Variants in NHERF4 observed in about 807,000 individuals in gnomAD.
NHERF4 encodes the protein NHERF family PDZ scaffold protein 4.
chr11:119,186,111 A>T, the NHERF4 span: 1 of 1,613,068 alleles, frequency 6.2e-7, no homozygotes, highest in East Asian at 2.2e-5. The surrounding 1 kb of genome is among the most constrained non-coding windows in gnomAD (Gnocchi z 4.4). Context: ...GTTTAACCCA[A>T]AGCTGGGCAT....
At chr11:119,187,646 G>A in the NHERF4 span, 2 of 1,556,836 alleles carry the variant, frequency 1.3e-6, no homozygotes, top group African/African-American at 1.4e-5. Flanking sequence ...CCCGGCTGCT[G>A]GAAGTGAATG....
At chr11:119,185,541 G>T in the NHERF4 span, 4 of 1,607,648 alleles carry the variant, frequency 2.5e-6, no homozygotes, top group Non-Finnish European at 2.6e-6. Flanking sequence ...CTCTGCAGGG[G>T]ACTTTGGGAC....
chr11:119,188,920 G>A, the NHERF4 span: 48 of 1,610,776 alleles, frequency 3.0e-5, no homozygotes, highest in African/African-American at 4.8e-4. Flanking sequence ...CTGCCTGATC[G>A]GTCTTCCTCT....
At chr11:119,189,168 G>C in the NHERF4 span, 2 of 1,612,708 alleles carry the variant, frequency 1.2e-6, no homozygotes, top group Non-Finnish European at 1.7e-6. The surrounding 1 kb of genome is among the most constrained non-coding windows in gnomAD (Gnocchi z 5.8). Flanking sequence ...AGGTCTCTGC[G>C]GGGCTTGGAA....
chr11:119,187,503 CA>C, the NHERF4 span: 3 of 1,613,062 alleles, frequency 1.9e-6, no homozygotes, highest in Non-Finnish European at 2.5e-6. Context: ...TGAGGGATCT[CA>C]GCCCCTGTTC....
At chr11:119,188,161 G>C in the NHERF4 span, 1 of 1,524,090 alleles carries the variant, frequency 6.6e-7, no homozygotes. Flanking sequence ...GGGAGCCCTG[G>C]GGGCGGTGGG....
the NHERF4 span, chr11:119,186,001 CG>C: frequency 6.2e-7 from 1 of 1,613,248 alleles, no homozygotes; most frequent in South Asian, 1.1e-5. The surrounding 1 kb of genome is among the most constrained non-coding windows in gnomAD (Gnocchi z 4.4). Context: ...TTGGAGGCAG[CG>C]AAGCGCTTCA....
At chr11:119,185,573 G>A in the NHERF4 span, 1 of 1,519,908 alleles carries the variant, frequency 6.6e-7, no homozygotes, top group Non-Finnish European at 9.1e-7. Context: ...CGACTTGGAG[G>A]CTGAAGCTTT....
chr11:119,187,518 G>A, the NHERF4 span: 1 of 1,613,044 alleles, frequency 6.2e-7, no homozygotes, highest in Non-Finnish European at 8.5e-7. Context: ...CCTGTTCAGG[G>A]CAGGCAGGAA....
chr11:119,189,610 A>G, the NHERF4 span: 28 of 1,202,928 alleles, frequency 2.3e-5, no homozygotes, highest in Non-Finnish European at 3.1e-5. The surrounding 1 kb of genome is among the most constrained non-coding windows in gnomAD (Gnocchi z 5.8). Flanking sequence ...GACACCACCG[A>G]TCACAGGCTG....
the NHERF4 span, chr11:119,189,936 C>T: frequency 1.2e-5 from 4 of 332,710 alleles, no homozygotes; most frequent in South Asian, 1.9e-4. This position sits in a 1 kb window ranked among gnomAD's most constrained non-coding sequence, Gnocchi z 5.8. Flanking sequence ...ATAGAAATGG[C>T]CATTCGCCAT....
chr11:119,189,666 G>C, the NHERF4 span: 679 of 715,220 alleles, frequency 9.5e-4, 4 homozygotes, highest in African/African-American at 0.01. The surrounding 1 kb of genome is among the most constrained non-coding windows in gnomAD (Gnocchi z 5.8). Context: ...GCCAGCAGAG[G>C]GTGTGGTTGG....
At chr11:119,189,530 C>T in the NHERF4 span, 42 of 1,607,740 alleles carry the variant, frequency 2.6e-5, no homozygotes, top group South Asian at 2.6e-4. The surrounding 1 kb of genome is among the most constrained non-coding windows in gnomAD (Gnocchi z 5.8). Context: ...CAGGGGCTAC[C>T]GTGTCTTCAC....
At chr11:119,187,806 C>A in the NHERF4 span, 1 of 1,457,578 alleles carries the variant, frequency 6.9e-7, no homozygotes, top group Admixed American at 2.8e-5. Context: ...TGGTCTCCTA[C>A]CTTTATCACC....
the NHERF4 span, chr11:119,187,313 CA>C: frequency 6.2e-7 from 1 of 1,612,162 alleles, no homozygotes; most frequent in South Asian, 1.1e-5. Context: ...GTGTTGCTGA[CA>C]GTATTGGCAC....
chr11:119,186,759 C>G, the NHERF4 span: 1 of 1,415,488 alleles, frequency 7.1e-7, no homozygotes, highest in East Asian at 2.4e-5. The surrounding 1 kb of genome is among the most constrained non-coding windows in gnomAD (Gnocchi z 4.4). Context: ...GTCCCCTGGG[C>G]AGTATGGCAG....
At chr11:119,188,211 A>T in the NHERF4 span, 2 of 1,528,382 alleles carry the variant, frequency 1.3e-6, no homozygotes, top group Non-Finnish European at 1.8e-6. Context: ...GCGTATATAC[A>T]CCTTTCAGTG....
chr11:119,187,612 A>C, the NHERF4 span: 1 of 1,582,446 alleles, frequency 6.3e-7, no homozygotes. Context: ...GGAGCAGCTG[A>C]GCGGGCAGGG....
At chr11:119,189,280 G>A in the NHERF4 span, 1 of 1,529,522 alleles carries the variant, frequency 6.5e-7, no homozygotes. This position sits in a 1 kb window ranked among gnomAD's most constrained non-coding sequence, Gnocchi z 5.8. Flanking sequence ...GGGCAGAGTG[G>A]GCGAGGTACA....
Sources: allele counts gnomAD v4.1 joint callset, GRCh38; gene constraint gnomAD v4.1.1; non-coding constraint Gnocchi (gnomAD v3.1); transcripts MANE v1.5; gene names NCBI Gene and HGNC (gene_info 2026-07-23, HGNC 2026-07-21).